ST6GAL1: variants seen among roughly 807,000 people sequenced by gnomAD.
The protein encoded by ST6GAL1 is ST6 beta-galactoside alpha-2,6-sialyltransferase 1, also known as beta-galactoside alpha-2,6-sialyltransferase 1.
Under a neutral mutation model 38.0 loss-of-function variants are expected in ST6GAL1, and 20 were observed. That is an observed-to-expected ratio of 0.53 (90% CI 0.37 to 0.77). ST6GAL1 has a LOEUF of 0.77. ST6GAL1 is among the 30% of genes least tolerant of loss of function. The pLI, the probability that ST6GAL1 is intolerant of heterozygous loss-of-function variation, is 0.00. For missense variants in ST6GAL1, 432 were observed against 496.4 expected (o/e 0.87, Z 1.23); for synonymous variants, 196 against 188.2 (o/e 1.04, Z -0.34).
Position 187,075,800 on chromosome 3 carries a change from C to A in ST6GAL1, c.1218C>A (p.Cys406Ter). The A allele has an allele frequency of 6.2e-7, 1 of 1,614,148 alleles. No homozygotes were observed. The highest frequency in any genetic ancestry group is 8.5e-7 in the Non-Finnish European group (1 of 1,179,988). ...ATLPGFRTIHC is the reference protein window; with the variant it reads ...ATLPGFRTIH ...TGCCTGGCTTCCGGACCATTCACTG[C>A]TAAGCACAGGCTCCTCACTCTTCTC... Residue 406 changes from cysteine (C) to a stop codon, truncating the protein, a stop_gained, in exon 8 of 8, where the codon TGC (cysteine) becomes TGA (stop). Coordinates refer to ENST00000169298, the MANE Select transcript of ST6GAL1 (RefSeq NM_173216.2). LOFTEE classifies it high-confidence loss of function. This position sits in a 1 kb window ranked among gnomAD's most constrained non-coding sequence, Gnocchi z 4.1.
At chr3:186,998,257 C>T (rs1024093701) in intron 2 of ST6GAL1, among the ~76,000 whole-genome samples, 2 of 152,284 alleles carry the variant, frequency 1.3e-5, no homozygotes, top group South Asian at 2.1e-4. Flanking sequence ...AGAAAATCCA[C>T]GTATAACTTT....
chr3:187,072,373 G>A, intron 5 of ST6GAL1: 1 of 205,834 alleles, frequency 4.9e-6, no homozygotes, highest in Non-Finnish European at 1.0e-5. Flanking sequence ...TGGCTGTGTT[G>A]GACTGTGTTG....
intron 1 of ST6GAL1, among the ~76,000 whole-genome samples, chr3:186,954,923 G>T (rs938684888): frequency 6.6e-6 from 1 of 152,072 alleles, no homozygotes; most frequent in Non-Finnish European, 1.5e-5. Context: ...TGTCCTGAAT[G>T]GTATTGCCTA....
At chr3:187,023,987 C>T (rs1006155466) in intron 2 of ST6GAL1, among the ~76,000 whole-genome samples, 1 of 151,764 alleles carries the variant, frequency 6.6e-6, no homozygotes, top group Non-Finnish European at 1.5e-5. Context: ...CTCAACCTTC[C>T]CTATTCATTT....
chr3:187,042,839 C>T lies in ST6GAL1; in HGVS notation c.136C>T (p.Gln46Ter). 6.2e-7 allele frequency: 1 copy of T among 1,614,096 alleles called. No homozygotes were observed. Among genetic ancestry groups the T allele is most frequent in the Non-Finnish European group, 8.5e-7 (1 of 1,180,000 alleles). ...DSFKLQTKEF[Q>*]VLKSLGKLAM... ...CTTTAAATTGCAAACCAAGGAATTCCAGGTGTTAAAGAGTCTGGGGAAATT... is the reference window on the plus strand; with the variant it reads ...CTTTAAATTGCAAACCAAGGAATTCTAGGTGTTAAAGAGTCTGGGGAAATT... The change falls in exon 4 of 8, where the codon CAG (glutamine) becomes TAG (stop). Residue 46 changes from glutamine to a stop codon, truncating the protein, a stop_gained. Coordinates refer to ENST00000169298, the MANE Select transcript of ST6GAL1 (RefSeq NM_173216.2). LOFTEE classifies it high-confidence loss of function.
At chr3:186,958,839 G>A (rs1195707293) in intron 1 of ST6GAL1, among the ~76,000 whole-genome samples, 2 of 151,848 alleles carry the variant, frequency 1.3e-5, no homozygotes, top group African/African-American at 4.8e-5. Context: ...TGTAATCCCA[G>A]CTACTCGGGA....
At chr3:186,983,255 T>C (rs1471539814) in intron 2 of ST6GAL1, among the ~76,000 whole-genome samples, 4 of 152,244 alleles carry the variant, frequency 2.6e-5, no homozygotes, top group Non-Finnish European at 5.9e-5. Context: ...AATTATTACT[T>C]GGCAGTTGAA....
chr3:187,043,653 G>C (rs1560174011), intron 4 of ST6GAL1: 1 of 161,476 alleles, frequency 6.2e-6, no homozygotes, highest in Admixed American at 6.2e-5. Flanking sequence ...AACATTTATT[G>C]TTTCTTTGTG....
chr3:186,945,715 G>T (rs371614607), intron 1 of ST6GAL1, among the ~76,000 whole-genome samples: 1 of 152,054 alleles, frequency 6.6e-6, no homozygotes, highest in Non-Finnish European at 1.5e-5. Context: ...GGCTGGGCAC[G>T]GTGGCTCATG....
intron 2 of ST6GAL1, among the ~76,000 whole-genome samples, chr3:187,024,474 GTATATATA>G (rs68068581): frequency 1.8e-4 from 25 of 135,258 alleles, no homozygotes; most frequent in African/African-American, 4.5e-4. Context: ...ATATATATGT[GTATATATA>G]TATATATATA....
intron 1 of ST6GAL1, among the ~76,000 whole-genome samples, chr3:186,941,770 T>C (rs568985355): frequency 7.2e-5 from 11 of 152,076 alleles, no homozygotes; most frequent in Non-Finnish European, 1.6e-4. Context: ...CCCAGCACTT[T>C]GGGAGGCCGA....
At chr3:186,934,444 C>G (rs1251441614) in intron 1 of ST6GAL1, among the ~76,000 whole-genome samples, 1 of 144,324 alleles carries the variant, frequency 6.9e-6, no homozygotes, top group Non-Finnish European at 1.6e-5. Flanking sequence ...CTCCTGTGGT[C>G]CCAGCTACCT....
At chr3:186,995,749 C>T (rs980210513) in intron 2 of ST6GAL1, among the ~76,000 whole-genome samples, 12 of 151,940 alleles carry the variant, frequency 7.9e-5, no homozygotes, top group Non-Finnish European at 1.5e-4. Context: ...GAGGCTGAGG[C>T]AGGAGAATAG....
Position 187,043,129 on chromosome 3 carries a change from C to T in ST6GAL1, c.426C>T (p.Cys142=). 6.2e-7 allele frequency: 1 copy of T among 1,614,230 alleles called. No homozygotes were observed. Reference sequence around the variant, plus strand: ...AGTTCAGTGCAGAGGCCCTGCGCTGCCACCTCCGGGACCATGTGAATGTAT... The same window carrying T: ...AGTTCAGTGCAGAGGCCCTGCGCTGTCACCTCCGGGACCATGTGAATGTAT... ...GIKFSAEALR[C]HLRDHVNVSM... is the part of the protein sequence containing the mutation. The change falls in exon 4 of 8, where the codon TGC becomes TGT. Residue 142 remains cysteine (C), a synonymous_variant. Transcript: ENST00000169298.
chr3:187,075,706 A>G lies in ST6GAL1; in HGVS notation c.1124A>G (p.Glu375Gly), dbSNP rs779438137. 1 of 1,614,214 alleles carries G rather than the reference A, an allele frequency of 6.2e-7. No individual in the cohort carries two copies. Among genetic ancestry groups the G allele is most frequent in the South Asian group, 1.1e-5 (1 of 91,086 alleles). ...GGTGCCTACCACCCGCTGCTCTATG[A>G]GAAGAATTTGGTGAAGCATCTCAAC... is the stretch of plus-strand genomic sequence containing the variant. ...TMGAYHPLLY[E>G]KNLVKHLNQG... The change falls in exon 8 of 8, where the codon GAG (glutamate) becomes GGG (glycine). Residue 375 changes from glutamate (E) to glycine (G), a missense_variant. Glu to Gly is a moderately conservative substitution (Grantham distance 98). Coordinates refer to ENST00000169298, the MANE Select transcript of ST6GAL1 (RefSeq NM_173216.2). This position sits in a 1 kb window ranked among gnomAD's most constrained non-coding sequence, Gnocchi z 4.1.
intron 2 of ST6GAL1, among the ~76,000 whole-genome samples, chr3:186,983,159 AAATG>A (rs1216591559): frequency 6.6e-6 from 1 of 152,202 alleles, no homozygotes; most frequent in East Asian, 1.9e-4. Context: ...TTAGCCAATA[AAATG>A]TTTCCATTCA....
chr3:187,074,197 C>T lies in ST6GAL1; in HGVS notation c.843C>T (p.Tyr281=). 1 of 1,612,094 alleles carries T rather than the reference C, an allele frequency of 6.2e-7. No homozygotes were observed. Among genetic ancestry groups the T allele is most frequent in the African/African-American group, 1.3e-5 (1 of 74,992 alleles). ...CGGATTATAATTTCTTTAACAACTA[C>T]AAGACTTATCGTAAGCTGCACCCCA... ...QNPDYNFFNN[Y]KTYRKLHPNQ... The change falls in exon 7 of 8, where the codon TAC becomes TAT. Residue 281 remains tyrosine, a synonymous_variant. Coordinates refer to ENST00000169298, the MANE Select transcript of ST6GAL1 (RefSeq NM_173216.2).
chr3:187,076,070 CT>C lies in ST6GAL1; in HGVS notation c.*269del. ...TCTTTCCAGACAGCATCCTCCCCGC[CT>C]TCCACCTTGGTAGATGCAAGGTCTA... On this transcript the variant is annotated 3_prime_UTR_variant, in exon 8 of 8. Coordinates refer to ENST00000169298, the MANE Select transcript of ST6GAL1 (RefSeq NM_173216.2). 4.5e-6 allele frequency: 2 copies of C among 447,952 alleles called. No individual in the cohort carries two copies. Among genetic ancestry groups the C allele is most frequent in the Non-Finnish European group, 8.0e-6 (2 of 250,134 alleles). 27.7% of individuals were successfully genotyped at this position (447,952 alleles called of 1,614,324 possible).
At chr3:187,056,264 C>T (rs1010811132) in intron 5 of ST6GAL1, among the ~76,000 whole-genome samples, 1 of 152,130 alleles carries the variant, frequency 6.6e-6, no homozygotes, top group Non-Finnish European at 1.5e-5. Flanking sequence ...ATCCAATTTG[C>T]CAGCCTGTAT....
Sources: allele counts gnomAD v4.1 joint callset (sites outside exome capture counted in the v4.1 genomes callset), GRCh38; gene constraint gnomAD v4.1.1; non-coding constraint Gnocchi (gnomAD v3.1); transcripts MANE v1.5; gene names NCBI Gene and HGNC (gene_info 2026-07-23, HGNC 2026-07-21).